Variants in LMO3 observed in about 807,000 individuals in gnomAD.
LMO3 encodes LIM domain only protein 3.
LMO3 carries 2 observed loss-of-function variants against 15.8 expected under a neutral mutation model. The observed-to-expected ratio is 0.13, with a 90% CI of 0.05 to 0.40. LMO3 has a LOEUF of 0.40. Among genes scored for constraint, LMO3 ranks in the 10% least tolerant of loss-of-function variants. The pLI, the probability that LMO3 is intolerant of heterozygous loss-of-function variation, is 0.99. For synonymous variants in LMO3, 62 were observed against 63.8 expected, an observed-to-expected ratio of 0.97 and a Z score of 0.13; for missense variants, 86 against 182.2, an observed-to-expected ratio of 0.47 and a Z score of 3.04.
intron 2 of LMO3, among the ~76,000 whole-genome samples, chr12:16,574,209 G>A (rs537887276): frequency 1.3e-5 from 2 of 151,916 alleles, no homozygotes; most frequent in East Asian, 3.9e-4. Context: ...TACATATCTC[G>A]ATCACATTGA....
At chr12:16,605,925 CTGGGT>C in intron 1 of LMO3, 136 bp downstream of exon 1, 4 of 1,188,892 alleles carry the variant, frequency 3.4e-6, no homozygotes, top group Non-Finnish European at 4.8e-6. Context: ...CAGTGCGGAG[CTGGGT>C]TGCAGCTCCA....
intron 2 of LMO3, among the ~76,000 whole-genome samples, chr12:16,568,132 C>G (rs529528630): frequency 1.3e-5 from 2 of 152,140 alleles, no homozygotes; most frequent in African/African-American, 4.8e-5. Flanking sequence ...TTATTGTCAT[C>G]GGTTTCTCTG....
Position 16,603,402 on chromosome 12 carries a change from G to A in LMO3, c.-8-2534C>T, listed in dbSNP as rs1166391312. Among the ~76,000 whole-genome samples the A allele has an allele frequency of 6.6e-6, 1 of 152,146 alleles. No homozygotes were observed. The highest frequency in any genetic ancestry group is 1.5e-5 in the Non-Finnish European group (1 of 68,032). On this transcript the variant is annotated intron_variant, in intron 1 of 3. Coordinates refer to ENST00000537304, the MANE Select transcript of LMO3 (RefSeq NM_018640.5). The surrounding 1 kb of genome is among the most constrained non-coding windows in gnomAD (Gnocchi z 4.9). ...TTACCGTGTACTTAAAAGGCATAAA[G>A]CAGTCAGCAGTCTCCCCTCTTCCAC...
Position 16,591,516 on chromosome 12 carries a change from G to T in LMO3, c.206+9139C>A, listed in dbSNP as rs894629820. Among the ~76,000 whole-genome samples, 2 of 133,490 alleles carry T rather than the reference G, an allele frequency of 1.5e-5. No individual in the cohort carries two copies. Among genetic ancestry groups the T allele is most frequent in the Non-Finnish European group, 3.2e-5 (2 of 62,990 alleles). The allele number at this position is 133,490 out of a possible 152,430, so 87.6% of individuals were successfully genotyped here. A position where few individuals can be genotyped will look rare whatever the true frequency, so the allele number is the denominator to read the frequency against. ...AAGTAGAATATAAACTCTACAAGGG[G>T]AGCAGGTATTTTTGTGTTTTATTTA... is the stretch of plus-strand genomic sequence containing the variant. On this transcript the variant is annotated intron_variant, in intron 2 of 3. Transcript: ENST00000537304. This position sits in a 1 kb window ranked among gnomAD's most constrained non-coding sequence, Gnocchi z 4.1.
At position 16,596,215 on chromosome 12, in the gene LMO3, G is replaced by A. The variant is rs1395750458; in HGVS notation, c.206+4440C>T. ...TATTATATTAAAGCCTATAAAATTT[G>A]TAGTCAGCATAGCAAGCTTCAAATC... On this transcript the variant is annotated intron_variant, in intron 2 of 3. Transcript: ENST00000537304. This position sits in a 1 kb window ranked among gnomAD's most constrained non-coding sequence, Gnocchi z 4.3. 6.6e-6 allele frequency among the ~76,000 whole-genome samples: 1 copy of A among 151,378 alleles called. No homozygotes were observed. Among genetic ancestry groups the A allele is most frequent in the Non-Finnish European group, 1.5e-5 (1 of 67,522 alleles).
rs1218335264 is a variant in LMO3, at chr12:16,596,672, A to C, written c.206+3983T>G. Among the ~76,000 whole-genome samples the C allele has an allele frequency of 6.6e-6, 1 of 151,706 alleles. No individual in the cohort carries two copies. Among genetic ancestry groups the C allele is most frequent in the African/African-American group, 2.4e-5 (1 of 41,394 alleles). On this transcript the variant is annotated intron_variant, in intron 2 of 3. Transcript: ENST00000537304. The surrounding 1 kb of genome is among the most constrained non-coding windows in gnomAD (Gnocchi z 4.3). ...TTGCTGCAAAACATTAAATAAAAGC[A>C]TGTAGAATTCCTAATTCTAAGACTC... is the stretch of plus-strand genomic sequence containing the variant.
At position 16,560,201 on chromosome 12, in the gene LMO3, T is replaced by G. The variant is rs1008814535; in HGVS notation, c.332+212A>C. On this transcript the variant is annotated intron_variant, in intron 3 of 3. Coordinates refer to ENST00000537304, the MANE Select transcript of LMO3 (RefSeq NM_018640.5). This position sits in a 1 kb window ranked among gnomAD's most constrained non-coding sequence, Gnocchi z 5.0. ...AGTGTTTCCATTTTCTGTTACTTGC[T>G]CTTATATGATGCTTTTCTTTCAGGT... is the stretch of plus-strand genomic sequence containing the variant. Among the ~76,000 whole-genome samples the G allele has an allele frequency of 6.6e-6, 1 of 152,176 alleles. No homozygotes were observed. Among genetic ancestry groups the G allele is most frequent in the Non-Finnish European group, 1.5e-5 (1 of 68,040 alleles).
At chr12:16,594,103 C>T in intron 2 of LMO3, 1 of 1,528,216 alleles carries the variant, frequency 6.5e-7, no homozygotes. Context: ...TAGCTGGCGT[C>T]AGGTGTTTGA....
intron 2 of LMO3, among the ~76,000 whole-genome samples, chr12:16,565,923 G>T (rs555232535): frequency 7.2e-6 from 1 of 138,414 alleles, no homozygotes; most frequent in South Asian, 2.4e-4. Flanking sequence ...ATTTACAATA[G>T]TCAAGCTATG....
At chr12:16,554,042 TAAG>T (rs1264828973) in intron 3 of LMO3, among the ~76,000 whole-genome samples, 2 of 152,276 alleles carry the variant, frequency 1.3e-5, no homozygotes, top group East Asian at 3.9e-4. Context: ...TGGTAAGGAA[TAAG>T]AAGATGCCCA....
intron 2 of LMO3, among the ~76,000 whole-genome samples, chr12:16,566,030 A>G (rs1390043888): frequency 8.5e-5 from 7 of 82,114 alleles, no homozygotes; most frequent in African/African-American, 1.4e-4. Context: ...ATATATATAT[A>G]TATATATATA....
chr12:16,569,141 AC>A (rs1196572985), intron 2 of LMO3, among the ~76,000 whole-genome samples: 1 of 152,206 alleles, frequency 6.6e-6, no homozygotes, highest in African/African-American at 2.4e-5. Flanking sequence ...AAATGGGTTG[AC>A]GCTTGGGCTA....
upstream of LMO3, chr12:16,608,741 GAGAC>G (rs1944076160): frequency 6.6e-6 from 1 of 152,090 alleles, no homozygotes; most frequent in South Asian, 2.1e-4. This position sits in a 1 kb window ranked among gnomAD's most constrained non-coding sequence, Gnocchi z 4.1. Flanking sequence ...AGGAGAGAGA[GAGAC>G]AGAGAGAGAG....
At chr12:16,594,724 G>C (rs1180515570) in intron 2 of LMO3, among the ~76,000 whole-genome samples, 1 of 151,450 alleles carries the variant, frequency 6.6e-6, no homozygotes, top group Non-Finnish European at 1.5e-5. Context: ...TTTTATGTGA[G>C]GCAGAAAATG....
At chr12:16,569,777 A>C (rs918593203) in intron 2 of LMO3, among the ~76,000 whole-genome samples, 7 of 152,192 alleles carry the variant, frequency 4.6e-5, no homozygotes, top group Admixed American at 1.3e-4. Flanking sequence ...ACTTTTAGAC[A>C]TAGTTATGGA....
chr12:16,551,629 A>T (rs901973241), intron 3 of LMO3, among the ~76,000 whole-genome samples: 7 of 151,932 alleles, frequency 4.6e-5, no homozygotes, highest in Admixed American at 2.0e-4. Flanking sequence ...AAAGAAAAAA[A>T]ATAAAAAGAA....
intron 2 of LMO3, among the ~76,000 whole-genome samples, chr12:16,590,936 A>T (rs541532519): frequency 6.6e-6 from 1 of 152,208 alleles, no homozygotes; most frequent in South Asian, 2.1e-4. Flanking sequence ...CCAAATAAAA[A>T]GACATCCAAA....
At chr12:16,594,229 A>G (rs1342007677) in intron 2 of LMO3, 8 of 1,532,442 alleles carry the variant, frequency 5.2e-6, no homozygotes, top group Non-Finnish European at 7.0e-6. Context: ...TATGTGCAGC[A>G]TGTATGTATA....
At chr12:16,564,050 A>C (rs1195263962) in intron 2 of LMO3, among the ~76,000 whole-genome samples, 1 of 152,224 alleles carries the variant, frequency 6.6e-6, no homozygotes, top group Non-Finnish European at 1.5e-5. Flanking sequence ...CCGGCCATAC[A>C]ATATCAGTGC....
Sources: allele counts gnomAD v4.1 joint callset (sites outside exome capture counted in the v4.1 genomes callset), GRCh38; gene constraint gnomAD v4.1.1; non-coding constraint Gnocchi (gnomAD v3.1); transcripts MANE v1.5; gene names NCBI Gene and HGNC (gene_info 2026-07-23, HGNC 2026-07-21).